The following ST18 variants were observed in gnomAD, a reference collection of about 807,000 sequenced individuals.
ST18 encodes the protein suppression of tumorigenicity 18 protein.
A neutral mutation model predicts 110.0 loss-of-function variants in ST18; 50 were observed. The ratio of observed to expected loss-of-function variants is 0.45; its 90% CI spans 0.36 to 0.58. The LOEUF is 0.58. Among genes scored for constraint, ST18 ranks in the 20% least tolerant of loss-of-function variants. ST18 has a pLI of 0.00. For synonymous variants in ST18, 461 were observed against 452.4 expected (o/e 1.02, Z -0.24); for missense variants, 1,306 against 1,280.1 (o/e 1.02, Z -0.31).
chr8:52,333,909 AAAAGCC>A (rs149039742), intron 2 of ST18, among the ~76,000 whole-genome samples: 5,632 of 152,292 alleles, frequency 0.037, 185 homozygotes, highest in Admixed American at 0.079. Flanking sequence ...AAAGTCTCAG[AAAAGCC>A]AATGGGCTCC....
intron 2 of ST18, among the ~76,000 whole-genome samples, chr8:52,384,099 A>G (rs1041446765): frequency 2.0e-5 from 3 of 152,196 alleles, no homozygotes; most frequent in African/African-American, 7.2e-5. Flanking sequence ...GGCATACAGC[A>G]AGTCTCTAAA....
intron 2 of ST18, among the ~76,000 whole-genome samples, chr8:52,364,384 G>T (rs930492391): frequency 1.3e-5 from 2 of 152,288 alleles, no homozygotes; most frequent in South Asian, 4.1e-4. Flanking sequence ...TGAGGTTCAT[G>T]ATGTCTTTCT....
chr8:52,333,289 G>A (rs1446845189), intron 2 of ST18, among the ~76,000 whole-genome samples: 4 of 146,548 alleles, frequency 2.7e-5, no homozygotes, highest in Non-Finnish European at 5.9e-5. Context: ...GACCTGCATA[G>A]CATTTTCTAT....
chr8:52,152,330 C>G (rs1280745763), intron 15 of ST18, among the ~76,000 whole-genome samples: 1 of 152,198 alleles, frequency 6.6e-6, no homozygotes, highest in African/African-American at 2.4e-5. Flanking sequence ...GCTTGAAACT[C>G]CAAATGGCAG....
At chr8:52,189,580 A>G (rs2073757614) in intron 8 of ST18, among the ~76,000 whole-genome samples, 1 of 152,210 alleles carries the variant, frequency 6.6e-6, no homozygotes, top group African/African-American at 2.4e-5. Context: ...GAGAAGAGCC[A>G]TGTCCTTTCA....
At chr8:52,120,940 C>T (rs1043355005) in intron 23 of ST18, among the ~76,000 whole-genome samples, 45 of 151,958 alleles carry the variant, frequency 3.0e-4, no homozygotes, top group African/African-American at 9.7e-4. Flanking sequence ...AGAGAGGAAT[C>T]GACGGAGAAG....
chr8:52,362,958 TC>T (rs1470414035), intron 2 of ST18, among the ~76,000 whole-genome samples: 4 of 152,164 alleles, frequency 2.6e-5, no homozygotes, highest in African/African-American at 7.2e-5. Context: ...ACGCCTGTAA[TC>T]CCAGCACTTT....
Position 52,172,238 on chromosome 8 carries a change from T to G in ST18, c.623A>C (p.Asn208Thr), listed in dbSNP as rs752881411. The G allele has an allele frequency of 6.2e-7, 1 of 1,614,214 alleles. No individual in the cohort carries two copies. Among genetic ancestry groups the G allele is most frequent in the Non-Finnish European group, 8.5e-7 (1 of 1,180,044 alleles). The part of the protein sequence containing the change: ...SAENGWDSGS[N>T]FSEETKPPRV... ...AGGTGGTTTGGTTTCTTCTGAGAAG[T>G]TGGAGCCACTGTCCCAGCCATTTTC... is the stretch of plus-strand genomic sequence containing the variant. Residue 208 changes from asparagine to threonine, a missense_variant, in exon 10 of 26, where the codon AAC (asparagine) becomes ACC (threonine). Transcript: ENST00000689386.
intron 2 of ST18, among the ~76,000 whole-genome samples, chr8:52,303,123 G>T (rs1165736412): frequency 2.0e-5 from 3 of 152,222 alleles, no homozygotes; most frequent in African/African-American, 7.2e-5. Flanking sequence ...CACAAAATTG[G>T]TGGCTTAAAA....
intron 19 of ST18, among the ~76,000 whole-genome samples, chr8:52,133,974 G>T (rs1027284775): frequency 6.6e-6 from 1 of 152,072 alleles, no homozygotes. Context: ...CAGGTGATCT[G>T]CCCGTCTCGG....
chr8:52,166,790 G>T (rs1311678833), intron 11 of ST18, 62 bp downstream of exon 11: 15 of 1,429,188 alleles, frequency 1.0e-5, no homozygotes, highest in Non-Finnish European at 1.3e-5. Context: ...GAGACAAAGA[G>T]GATAACATCT....
At chr8:52,208,963 T>G (rs7840207) in intron 8 of ST18, among the ~76,000 whole-genome samples, 34,678 of 152,146 alleles carry the variant, frequency 0.23, 4,703 homozygotes, top group African/African-American at 0.37. Flanking sequence ...TCTCATTAAA[T>G]AAAAATAGGT....
At chr8:52,269,174 A>G (rs1392388759) in intron 2 of ST18, among the ~76,000 whole-genome samples, 1 of 152,214 alleles carries the variant, frequency 6.6e-6, no homozygotes, top group Non-Finnish European at 1.5e-5. Context: ...ATGACTTTAC[A>G]CCTGAATAAG....
chr8:52,322,681 G>A (rs1024753452), intron 2 of ST18, among the ~76,000 whole-genome samples: 6 of 152,132 alleles, frequency 3.9e-5, no homozygotes, highest in African/African-American at 1.4e-4. Flanking sequence ...TCACGTGAAG[G>A]CATTTCTTTC....
intron 2 of ST18, among the ~76,000 whole-genome samples, chr8:52,312,150 G>C (rs2095928955): frequency 6.6e-6 from 1 of 152,138 alleles, no homozygotes; most frequent in Non-Finnish European, 1.5e-5. Flanking sequence ...ATAGACAGTT[G>C]CTGAAACAGG....
chr8:52,376,493 G>A (rs983072859), intron 2 of ST18, among the ~76,000 whole-genome samples: 5 of 152,112 alleles, frequency 3.3e-5, no homozygotes, highest in East Asian at 1.9e-4. Context: ...ACTGCAAATT[G>A]CTTCTCACTC....
chr8:52,367,712 AATT>A (rs1174295156), intron 2 of ST18, among the ~76,000 whole-genome samples: 3 of 152,198 alleles, frequency 2.0e-5, no homozygotes, highest in African/African-American at 7.2e-5. Flanking sequence ...TATTGCGACC[AATT>A]AACAAGTTAA....
At chr8:52,386,671 A>G (rs1836907351) in intron 2 of ST18, among the ~76,000 whole-genome samples, 1 of 152,060 alleles carries the variant, frequency 6.6e-6, no homozygotes. Flanking sequence ...CTTTCCTTTT[A>G]TTTTAAAAGG....
At chr8:52,171,695 T>C in intron 10 of ST18, 97 bp downstream of exon 10, 1 of 1,309,832 alleles carries the variant, frequency 7.6e-7, no homozygotes, top group Non-Finnish European at 1.1e-6. Flanking sequence ...TGCATTAAAC[T>C]GTTAAAAAGC....
Sources: allele counts gnomAD v4.1 joint callset (sites outside exome capture counted in the v4.1 genomes callset), GRCh38; gene constraint gnomAD v4.1.1; transcripts MANE v1.5; gene names NCBI Gene and HGNC (gene_info 2026-07-23, HGNC 2026-07-21).